Variants in PMF1 observed in about 807,000 individuals in gnomAD.
The protein encoded by PMF1 is polyamine-modulated factor 1.
In PMF1, 21 loss-of-function variants were observed where a neutral mutation model predicts 26.7. The ratio of observed to expected loss-of-function variants is 0.79; its 90% CI spans 0.56 to 1.13. The LOEUF is 1.13. PMF1 is among the 50% of genes most tolerant of loss of function. The pLI, the probability that PMF1 is intolerant of heterozygous loss-of-function variation, is 0.00. For synonymous variants in PMF1, 105 were observed against 101.0 expected, an observed-to-expected ratio of 1.04 and a Z score of -0.24; for missense variants, 266 against 254.9, an observed-to-expected ratio of 1.04 and a Z score of -0.30.
intron 1 of PMF1, among the ~76,000 whole-genome samples, chr1:156,220,317 C>A (rs908009653): frequency 6.6e-6 from 1 of 152,114 alleles, no homozygotes. Context: ...GCCTCAGCGT[C>A]CTGAGTAGCT....
rs116023676 is a variant in PMF1 at position 156,230,944 on chromosome 1, G to A, written c.162-1376G>A. ...AGAATTAGCTGGTCATGGCAGGCAC[G>A]GTGGCTCATGCCTGTAATGCCAGCA... On this transcript the variant is annotated intron_variant, in intron 1 of 4. Transcript: ENST00000368277. Among the ~76,000 whole-genome samples the A allele has an allele frequency of 2.3e-3, 348 of 152,000 alleles. 1 individual carries two copies. The highest frequency in any genetic ancestry group is 4.2e-3 in the Non-Finnish European group (286 of 67,966).
At chr1:156,214,046 G>A (rs185790068) in intron 1 of PMF1, among the ~76,000 whole-genome samples, 29 of 152,206 alleles carry the variant, frequency 1.9e-4, no homozygotes, top group Admixed American at 1.2e-3. Flanking sequence ...CAAGTAGCTG[G>A]GATTACAGGT....
At chr1:156,224,309 C>T (rs1226150056) in intron 1 of PMF1, among the ~76,000 whole-genome samples, 3 of 152,208 alleles carry the variant, frequency 2.0e-5, no homozygotes, top group East Asian at 1.9e-4. Context: ...AAAAGCATCT[C>T]TTCTAGCTAT....
At position 156,228,027 on chromosome 1, in the gene PMF1, C is replaced by T. The variant is rs1296297513; in HGVS notation, c.162-4293C>T. On this transcript the variant is annotated intron_variant, in intron 1 of 4. Coordinates refer to ENST00000368277, the MANE Select transcript of PMF1 (RefSeq NM_007221.4). ...TCAGCTCACTGCAACCTCCGCCTCC[C>T]GGGTTCAAGTGATTCTCCTGCCTCA... is the stretch of plus-strand genomic sequence containing the variant. Among the ~76,000 whole-genome samples the T allele has an allele frequency of 4.6e-5, 7 of 150,730 alleles. No individual in the cohort carries two copies. The East Asian group carries it at 5.9e-4, about 13-fold the overall frequency.
intron 1 of PMF1, among the ~76,000 whole-genome samples, 163 bp downstream of exon 1, chr1:156,213,339 G>C (rs370262289): frequency 1.2e-4 from 18 of 152,198 alleles, no homozygotes; most frequent in Admixed American, 6.5e-5. Context: ...AGGAGTCAGG[G>C]TATTCACGCA....
chr1:156,218,434 C>T (rs182560887), intron 1 of PMF1, among the ~76,000 whole-genome samples: 3 of 152,220 alleles, frequency 2.0e-5, no homozygotes, highest in Admixed American at 2.0e-4. Context: ...CTGCATGGAT[C>T]CTCCTGACTC....
At chr1:156,226,626 G>C (rs1658384310) in intron 1 of PMF1, among the ~76,000 whole-genome samples, 1 of 152,212 alleles carries the variant, frequency 6.6e-6, no homozygotes. Flanking sequence ...TCAATGTGCT[G>C]GGCACCGTAC....
intron 1 of PMF1, among the ~76,000 whole-genome samples, chr1:156,218,508 G>A (rs777125608): frequency 6.6e-6 from 1 of 152,102 alleles, no homozygotes; most frequent in Non-Finnish European, 1.5e-5. Flanking sequence ...TAGGCCAGGC[G>A]CAGTGCTCAT....
rs191375944 is a variant in PMF1 at position 156,227,435 on chromosome 1, C to T, written c.162-4885C>T. Among the ~76,000 whole-genome samples, 650 of 150,602 alleles carry T rather than the reference C, an allele frequency of 4.3e-3. 3 individuals are homozygous for T. Among genetic ancestry groups the T allele is most frequent in the African/African-American group, 0.015 (606 of 41,174 alleles). On this transcript the variant is annotated intron_variant, in intron 1 of 4. Coordinates refer to ENST00000368277, the MANE Select transcript of PMF1 (RefSeq NM_007221.4). ...ATGAGAATTGCTTGAACCCAGGAGG[C>T]GGAGGTTGCAGTGAGCCAAGATTTA...
At chr1:156,229,914 T>TAA (rs537315416) in intron 1 of PMF1, among the ~76,000 whole-genome samples, 289 of 152,328 alleles carry the variant, frequency 1.9e-3, no homozygotes, top group Non-Finnish European at 3.5e-3. Flanking sequence ...TTATGTAATT[T>TAA]AATTCTTAAT....
chr1:156,222,370 A>G (rs1352704746), intron 1 of PMF1, among the ~76,000 whole-genome samples: 1 of 149,042 alleles, frequency 6.7e-6, no homozygotes, highest in Non-Finnish European at 1.5e-5. Context: ...TAAGTGTCAT[A>G]TATGAATACA....
At chr1:156,221,973 C>T (rs981894238) in intron 1 of PMF1, among the ~76,000 whole-genome samples, 1 of 152,208 alleles carries the variant, frequency 6.6e-6, no homozygotes, top group African/African-American at 2.4e-5. Flanking sequence ...ACTCTTGCAC[C>T]TGCCTCCAAA....
At chr1:156,224,914 C>CTTTTTTTTTTTTTTTT (rs1658272806) in intron 1 of PMF1, among the ~76,000 whole-genome samples, 1 of 149,120 alleles carries the variant, frequency 6.7e-6, no homozygotes. Flanking sequence ...TTTTTTTTTC[C>CTTTTTTTTTTTTTTTT]TTTTTGAGTC....
intron 3 of PMF1, among the ~76,000 whole-genome samples, chr1:156,235,981 T>A (rs1056821992): frequency 1.3e-5 from 2 of 151,946 alleles, no homozygotes; most frequent in African/African-American, 4.8e-5. Context: ...CCCTGAAGTG[T>A]TCTGGATAGG....
intron 4 of PMF1, among the ~76,000 whole-genome samples, chr1:156,238,927 G>T (rs1444176112): frequency 2.6e-5 from 4 of 151,750 alleles, no homozygotes; most frequent in African/African-American, 9.7e-5. Flanking sequence ...ACAGCTCCGA[G>T]TTGTGTCTTG....
chr1:156,225,716 G>C (rs1467425885), intron 1 of PMF1: 2 of 894,854 alleles, frequency 2.2e-6, no homozygotes, highest in Admixed American at 4.3e-5. Flanking sequence ...TGTACACCGT[G>C]ATATTGTGTT....
chr1:156,223,820 C>T (rs1658210885), intron 1 of PMF1: 1 of 152,238 alleles, frequency 6.6e-6, no homozygotes, highest in Non-Finnish European at 1.5e-5. Flanking sequence ...CTGCTAAGGC[C>T]CCATGCTGTC....
At chr1:156,218,780 TCAAAAA>T (rs983291353) in intron 1 of PMF1, among the ~76,000 whole-genome samples, 6 of 151,822 alleles carry the variant, frequency 4.0e-5, no homozygotes, top group Non-Finnish European at 5.9e-5. Flanking sequence ...AGACTCCGTC[TCAAAAA>T]CAAAAACAAA....
intron 1 of PMF1, among the ~76,000 whole-genome samples, chr1:156,230,133 T>C (rs947673625): frequency 2.6e-5 from 4 of 152,148 alleles, no homozygotes; most frequent in Non-Finnish European, 5.9e-5. Context: ...GGTGGGGCTT[T>C]GTGTTGGGCA....
Sources: allele counts gnomAD v4.1 joint callset (sites outside exome capture counted in the v4.1 genomes callset), GRCh38; gene constraint gnomAD v4.1.1; transcripts MANE v1.5; gene names NCBI Gene and HGNC (gene_info 2026-07-23, HGNC 2026-07-21).